Variants in PLPPR5 observed in about 807,000 individuals in gnomAD.
The protein encoded by PLPPR5 is phospholipid phosphatase related 5.
PLPPR5 carries 16 observed loss-of-function variants against 33.9 expected under a neutral mutation model. That is an observed-to-expected ratio of 0.47 (90% CI 0.32 to 0.72). The LOEUF (loss-of-function observed/expected upper bound fraction) is 0.72, where lower values mean the gene tolerates loss of function less well. PLPPR5 is among the 30% of genes least tolerant of loss of function. The probability of loss-of-function intolerance (pLI) is 0.03; values close to 1 mark genes in which losing one functional copy is unlikely to be tolerated. For synonymous variants in PLPPR5, 163 were observed against 150.3 expected (o/e 1.08, Z -0.62); for missense variants, 301 against 406.7 (o/e 0.74, Z 2.23).
chr1:98,954,204 T>C (rs1452596072), intron 2 of PLPPR5, among the ~76,000 whole-genome samples: 1 of 152,196 alleles, frequency 6.6e-6, no homozygotes, highest in East Asian at 1.9e-4. Context: ...ATTTTTCTAT[T>C]ATACGGGCAA....
upstream of PLPPR5, among the ~76,000 whole-genome samples, chr1:99,005,640 C>A (rs2100775021): frequency 6.6e-6 from 1 of 152,228 alleles, no homozygotes; most frequent in East Asian, 1.9e-4. Context: ...ATTCCAGGCA[C>A]TGAGCGGTCC....
At chr1:99,002,131 G>T (rs796952988) in intron 1 of PLPPR5, among the ~76,000 whole-genome samples, 1 of 151,990 alleles carries the variant, frequency 6.6e-6, no homozygotes, top group Non-Finnish European at 1.5e-5. Flanking sequence ...TGCCCTTACT[G>T]CTCCCAGCTC....
chr1:98,993,157 C>A (rs1012128458), intron 1 of PLPPR5, among the ~76,000 whole-genome samples: 1 of 152,068 alleles, frequency 6.6e-6, no homozygotes, highest in Non-Finnish European at 1.5e-5. Flanking sequence ...AGTTGCATAA[C>A]CTTGGCCAAG....
intron 5 of PLPPR5, among the ~76,000 whole-genome samples, chr1:98,898,513 T>C (rs1648567751): frequency 6.6e-6 from 1 of 152,178 alleles, no homozygotes; most frequent in Admixed American, 6.6e-5. Flanking sequence ...ATGGAGTATG[T>C]GTTCGAAGGT....
intron 3 of PLPPR5, among the ~76,000 whole-genome samples, chr1:98,933,482 CAAAA>C (rs66504258): frequency 1.1e-5 from 1 of 89,332 alleles, no homozygotes; most frequent in Non-Finnish European, 2.2e-5. Flanking sequence ...GACTCCGTCT[CAAAA>C]AAAAAAAAAA....
chr1:98,918,735 G>A (rs954402226), intron 4 of PLPPR5, among the ~76,000 whole-genome samples: 4 of 152,290 alleles, frequency 2.6e-5, no homozygotes, highest in African/African-American at 9.6e-5. Flanking sequence ...GTCATCAAAC[G>A]TGAAGACCGT....
At chr1:98,946,772 A>G (rs979948970) in intron 3 of PLPPR5, among the ~76,000 whole-genome samples, 1 of 152,148 alleles carries the variant, frequency 6.6e-6, no homozygotes, top group Non-Finnish European at 1.5e-5. Context: ...ATCCAGCATT[A>G]CAGTAAGCAC....
chr1:98,904,261 CT>C (rs1050471002), intron 5 of PLPPR5, among the ~76,000 whole-genome samples: 1,504 of 117,302 alleles, frequency 0.013, 8 homozygotes, highest in African/African-American at 0.037. Flanking sequence ...ATTACTTTCC[CT>C]TTTTTTTTTT....
Position 99,004,680 on chromosome 1 carries a change from C to CCCGGGCCGGG in PLPPR5, c.-19_-10dup, listed in dbSNP as rs746524735. The CCCGGGCCGGG allele has an allele frequency of 1.3e-6, 2 of 1,588,068 alleles. No homozygotes were observed. The highest frequency in any genetic ancestry group is 1.7e-6 in the Non-Finnish European group (2 of 1,168,420). On this transcript the variant is annotated 5_prime_UTR_variant, in exon 1 of 6. Transcript: ENST00000263177. ...GCGGGCAGCAGGGGCATGCACGCCT[C>CCCGGGCCGGG]CCGGGCCGGGCCGAGCCGAGCCGAG...
At chr1:99,000,477 T>C (rs1274236562) in intron 1 of PLPPR5, among the ~76,000 whole-genome samples, 1 of 152,198 alleles carries the variant, frequency 6.6e-6, no homozygotes, top group Non-Finnish European at 1.5e-5. Context: ...CACCTTCAGA[T>C]GTATACGCCA....
chr1:98,952,262 CAGAAAAAAAAA>C (rs1300590783), intron 3 of PLPPR5, among the ~76,000 whole-genome samples: 1 of 113,078 alleles, frequency 8.8e-6, no homozygotes, highest in Admixed American at 9.4e-5. Flanking sequence ...GACTCCGTCT[CAGAAAAAAAAA>C]AAAAAAAAAA....
chr1:98,947,054 A>T (rs772907865), intron 3 of PLPPR5, among the ~76,000 whole-genome samples: 4 of 152,140 alleles, frequency 2.6e-5, no homozygotes, highest in Admixed American at 6.6e-5. Context: ...CTCTTTTCTT[A>T]ATTAGAATGT....
chr1:98,925,998 T>A (rs574266207), intron 3 of PLPPR5, among the ~76,000 whole-genome samples: 1 of 152,352 alleles, frequency 6.6e-6, no homozygotes, highest in East Asian at 1.9e-4. Context: ...TGGCCTAGCT[T>A]TTGGAGAACC....
intron 4 of PLPPR5, among the ~76,000 whole-genome samples, chr1:98,915,741 C>T (rs779501505): frequency 6.6e-6 from 1 of 152,074 alleles, no homozygotes; most frequent in Non-Finnish European, 1.5e-5. Context: ...AATACATATT[C>T]CTAAGCCCTC....
chr1:98,893,242 G>A, intron 5 of PLPPR5, 138 bp from the exon 6 acceptor site: 1 of 651,740 alleles, frequency 1.5e-6, no homozygotes, highest in Non-Finnish European at 2.4e-6. Flanking sequence ...ATTAAACTAA[G>A]TTTTATGTAT....
chr1:98,898,042 C>T (rs1204413549), intron 5 of PLPPR5, among the ~76,000 whole-genome samples: 2 of 152,072 alleles, frequency 1.3e-5, no homozygotes, highest in African/African-American at 2.4e-5. Context: ...ATAAAATACA[C>T]TATTCTACCG....
intron 1 of PLPPR5, among the ~76,000 whole-genome samples, chr1:99,001,545 T>C (rs1400535098): frequency 6.6e-6 from 1 of 151,628 alleles, no homozygotes; most frequent in Non-Finnish European, 1.5e-5. Flanking sequence ...ATTCAAAATA[T>C]ATATTGTTTT....
At chr1:98,893,404 G>A (rs1005065909) in intron 5 of PLPPR5, among the ~76,000 whole-genome samples, 2 of 152,126 alleles carry the variant, frequency 1.3e-5, no homozygotes, top group Admixed American at 1.3e-4. Flanking sequence ...ATTCTGTTCA[G>A]TGTTAATGGA....
chr1:98,915,028 C>T, intron 4 of PLPPR5, 108 bp from the exon 5 acceptor site: 1 of 963,946 alleles, frequency 1.0e-6, no homozygotes. Flanking sequence ...ATTAAAATTA[C>T]TTAAATGTTA....
Sources: gnomAD v4.1 joint callset for allele counts (sites outside exome capture counted in the v4.1 genomes callset) on GRCh38, gnomAD v4.1.1 for gene constraint, MANE v1.5 for transcripts, NCBI Gene and HGNC (gene_info 2026-07-23, HGNC 2026-07-21) for gene names.